GALK2: variants seen among roughly 807,000 people sequenced by gnomAD.
GALK2 encodes N-acetylgalactosamine kinase.
GALK2 carries 36 observed loss-of-function variants against 52.4 expected under a neutral mutation model. That is an observed-to-expected ratio of 0.69 (90% CI 0.53 to 0.91). The LOEUF (loss-of-function observed/expected upper bound fraction) is 0.91, where lower values mean the gene tolerates loss of function less well. GALK2 is among the 40% of genes least tolerant of loss of function. The probability of loss-of-function intolerance (pLI) is 0.00; values close to 1 mark genes in which losing one functional copy is unlikely to be tolerated. For synonymous variants in GALK2, 176 were observed against 199.1 expected (o/e 0.88, Z 0.98); for missense variants, 579 against 559.1 (o/e 1.04, Z -0.36).
At chr15:49,250,434 T>C (rs2091541858) in intron 5 of GALK2, among the ~76,000 whole-genome samples, 1 of 152,172 alleles carries the variant, frequency 6.6e-6, no homozygotes. Flanking sequence ...ACCTAGATGT[T>C]TTATGCACAT....
intron 1 of GALK2, chr15:49,177,884 G>A: frequency 5.3e-6 from 1 of 190,238 alleles, no homozygotes. Flanking sequence ...AGCCGGGCAT[G>A]GTGGCTCACA....
At chr15:49,362,419 TGTGA>T in intron 3 of GALK2, among the ~76,000 whole-genome samples, 1 of 152,334 alleles carries the variant, frequency 6.6e-6, no homozygotes, top group Middle Eastern at 3.4e-3. Context: ...CCTGCAGAAC[TGTGA>T]GTCAGTTAAA....
intron 2 of GALK2, among the ~76,000 whole-genome samples, chr15:49,209,566 C>G (rs2088632740): frequency 6.6e-6 from 1 of 152,000 alleles, no homozygotes. Flanking sequence ...TTATCAAATG[C>G]TTTTTCTGAA....
At chr15:49,359,194 TA>T (rs1322290366) in intron 3 of GALK2, among the ~76,000 whole-genome samples, 7 of 147,560 alleles carry the variant, frequency 4.7e-5, no homozygotes, top group Admixed American at 1.4e-4. Flanking sequence ...ACTTCATGTC[TA>T]AAACACCAAA....
chr15:49,178,828 A>C (rs1410653632), intron 1 of GALK2: 1 of 188,846 alleles, frequency 5.3e-6, no homozygotes, highest in Non-Finnish European at 1.1e-5. Context: ...AGAAGGCTAG[A>C]AAATTTTCTG....
At chr15:49,335,048 T>C (rs2039462970), downstream of GALK2, among the ~76,000 whole-genome samples, 1 of 152,190 alleles carries the variant, frequency 6.6e-6, no homozygotes, top group African/African-American at 2.4e-5. Flanking sequence ...CCAGCCCAGC[T>C]GCCACCCCAG....
chr15:49,236,106 T>G (rs1229606636), intron 4 of GALK2, among the ~76,000 whole-genome samples, 165 bp downstream of exon 4: 1 of 152,196 alleles, frequency 6.6e-6, no homozygotes, highest in Non-Finnish European at 1.5e-5. Context: ...TATGACTGTT[T>G]TGGGGTGGTG....
intron 3 of GALK2, chr15:49,226,533 C>A (rs1020359371): frequency 3.3e-5 from 5 of 151,942 alleles, no homozygotes; most frequent in African/African-American, 1.2e-4. Flanking sequence ...ATCTGCTATC[C>A]CTCCAAAAGC....
At chr15:49,339,983 G>T (rs956796702) in intron 3 of GALK2, among the ~76,000 whole-genome samples, 28 of 152,224 alleles carry the variant, frequency 1.8e-4, no homozygotes, top group South Asian at 1.2e-3. Flanking sequence ...AAGCTTGAGG[G>T]TCCCAGGTTG....
At chr15:49,345,708 G>A (rs2041375958) in intron 3 of GALK2, among the ~76,000 whole-genome samples, 1 of 152,154 alleles carries the variant, frequency 6.6e-6, no homozygotes, top group Admixed American at 6.5e-5. Context: ...GTCCTTTTCT[G>A]GGACTTCACA....
At chr15:49,351,167 G>T (rs1206545475) in intron 3 of GALK2, among the ~76,000 whole-genome samples, 7 of 152,160 alleles carry the variant, frequency 4.6e-5, no homozygotes, top group Non-Finnish European at 8.8e-5. Context: ...AGGTAGTAGA[G>T]AAATAAGAAC....
At chr15:49,342,077 A>G (rs185932459) in intron 3 of GALK2, among the ~76,000 whole-genome samples, 1 of 152,074 alleles carries the variant, frequency 6.6e-6, no homozygotes, top group East Asian at 1.9e-4. Context: ...TCAAGTCCTG[A>G]GTTTTTTTGT....
intron 7 of GALK2, 140 bp downstream of exon 7, chr15:49,283,858 G>A (rs2033039844): frequency 1.2e-6 from 1 of 823,314 alleles, no homozygotes; most frequent in Non-Finnish European, 1.9e-6. Flanking sequence ...AGGTCTTTGG[G>A]TACAGAGAAA....
intron 3 of GALK2, among the ~76,000 whole-genome samples, chr15:49,345,671 A>G (rs1046129953): frequency 2.0e-5 from 3 of 152,260 alleles, no homozygotes; most frequent in Non-Finnish European, 4.4e-5. Context: ...CACTGAATGG[A>G]AGATTCACTT....
chr15:49,276,215 A>G (rs2031628999), intron 5 of GALK2, among the ~76,000 whole-genome samples: 1 of 152,206 alleles, frequency 6.6e-6, no homozygotes, highest in Non-Finnish European at 1.5e-5. Context: ...TGTGGTGCTC[A>G]AGTGTAAGAG....
chr15:49,345,358 T>C (rs1381885394), intron 3 of GALK2, among the ~76,000 whole-genome samples: 1 of 151,480 alleles, frequency 6.6e-6, no homozygotes, highest in Non-Finnish European at 1.5e-5. Context: ...TATAATGAAG[T>C]GCTGGGCTGC....
chr15:49,292,775 A>G (rs1456795358), intron 8 of GALK2, among the ~76,000 whole-genome samples: 1 of 152,184 alleles, frequency 6.6e-6, no homozygotes, highest in Non-Finnish European at 1.5e-5. Context: ...CTTATAATTC[A>G]GTAAGCTTCT....
chr15:49,240,378 A>G (rs1490475355), intron 5 of GALK2, among the ~76,000 whole-genome samples: 1 of 152,200 alleles, frequency 6.6e-6, no homozygotes, highest in African/African-American at 2.4e-5. Context: ...TTATTTATTT[A>G]ATGGCTATTT....
rs1456246002 is a variant in GALK2, at chr15:49,329,753, C to T, written c.*1594C>T. The T allele has an allele frequency of 1.2e-5, 12 of 972,428 alleles. No homozygotes were observed. Among genetic ancestry groups the T allele is most frequent in the African/African-American group, 1.8e-5 (1 of 56,436 alleles). The allele number at this position is 972,428 out of a possible 1,614,324, so 60.2% of individuals were successfully genotyped here. A position where few individuals can be genotyped will look rare whatever the true frequency, so the allele number is the denominator to read the frequency against. On this transcript the variant is annotated 3_prime_UTR_variant, in exon 10 of 10. Coordinates refer to ENST00000560031, the MANE Select transcript of GALK2 (RefSeq NM_002044.4). ...TTATTTTTTAATACCGTGCCATTTT[C>T]CACAAAGGATTTGTGGTTGGTATAT...
Sources: gnomAD v4.1 joint callset for allele counts (sites outside exome capture counted in the v4.1 genomes callset) on GRCh38, gnomAD v4.1.1 for gene constraint, MANE v1.5 for transcripts, NCBI Gene and HGNC (gene_info 2026-07-23, HGNC 2026-07-21) for gene names.